PRKN: variants seen among roughly 807,000 people sequenced by gnomAD.
PRKN encodes E3 ubiquitin-protein ligase parkin.
In PRKN, 56 loss-of-function variants were observed where a neutral mutation model predicts 59.5. That is an observed-to-expected ratio of 0.94 (90% CI 0.76 to 1.18). The LOEUF is 1.18. PRKN is among the 50% of genes most tolerant of loss of function. The pLI is 0.00. For missense variants in PRKN, 657 were observed against 596.4 expected, an observed-to-expected ratio of 1.10 and a Z score of -1.06; for synonymous variants, 250 against 222.1, an observed-to-expected ratio of 1.13 and a Z score of -1.12.
intron 1 of PRKN, among the ~76,000 whole-genome samples, chr6:162,517,876 G>A (rs73037937): frequency 3.3e-5 from 5 of 152,062 alleles, no homozygotes; most frequent in African/African-American, 9.7e-5. Flanking sequence ...GTTATGAATA[G>A]ATTTATGTAT....
chr6:161,891,281 C>T (rs571213328), intron 6 of PRKN, among the ~76,000 whole-genome samples: 1 of 152,088 alleles, frequency 6.6e-6, no homozygotes, highest in Non-Finnish European at 1.5e-5. Flanking sequence ...TCATGGGCGC[C>T]CCGAGGAAAC....
chr6:161,621,782 C>G (rs932122275), intron 7 of PRKN, among the ~76,000 whole-genome samples: 1 of 152,176 alleles, frequency 6.6e-6, no homozygotes, highest in Non-Finnish European at 1.5e-5. Flanking sequence ...GTTAACCTTG[C>G]TGGTCACCCA....
intron 1 of PRKN, among the ~76,000 whole-genome samples, chr6:162,479,786 A>G (rs1792203887): frequency 6.7e-6 from 1 of 149,334 alleles, no homozygotes; most frequent in African/African-American, 2.5e-5. Flanking sequence ...AATTAGTAGG[A>G]GCCAGGCGCA....
At chr6:161,702,235 T>TA (rs1314830191) in intron 7 of PRKN, among the ~76,000 whole-genome samples, 1 of 152,104 alleles carries the variant, frequency 6.6e-6, no homozygotes, top group African/African-American at 2.4e-5. Flanking sequence ...CAAAATTAGG[T>TA]AAAAAGATAA....
At chr6:162,390,760 C>T (rs1583489071) in intron 2 of PRKN, among the ~76,000 whole-genome samples, 1 of 151,978 alleles carries the variant, frequency 6.6e-6, no homozygotes, top group South Asian at 2.1e-4. Context: ...GGTATATTAA[C>T]GGTCAGTTTA....
intron 1 of PRKN, among the ~76,000 whole-genome samples, chr6:162,486,748 A>T (rs2128183734): frequency 6.6e-6 from 1 of 152,306 alleles, no homozygotes; most frequent in Middle Eastern, 3.4e-3. Context: ...AGCATGTCAC[A>T]AGATAAACAC....
Position 161,685,397 on chromosome 6 carries a change from A to AT in PRKN, c.871+100374dup, listed in dbSNP as rs1785516821. On this transcript the variant is annotated intron_variant, in intron 7 of 11. Coordinates refer to ENST00000366898, the MANE Select transcript of PRKN (RefSeq NM_004562.3). ...TCCTGCTGAACAACTAAGAAACGTTATTTTCAACCCCAGCTTGAAAACTTG... is the reference window on the plus strand; with the variant it reads ...TCCTGCTGAACAACTAAGAAACGTTATTTTTCAACCCCAGCTTGAAAACTTG... Among the ~76,000 whole-genome samples the AT allele has an allele frequency of 3.3e-5, 5 of 152,216 alleles. No homozygotes were observed. In the South Asian group the frequency reaches 1.0e-3, roughly 32 times the overall value.
In PRKN at chr6:161,549,511, T is replaced by C. The variant is rs1482668207; in HGVS notation, c.934-508A>G. Among the ~76,000 whole-genome samples, 1 of 152,166 alleles carries C rather than the reference T, an allele frequency of 6.6e-6. No homozygotes were observed. Among genetic ancestry groups the C allele is most frequent in the African/African-American group, 2.4e-5 (1 of 41,444 alleles). ...CTCATAATATTGGCAGCCCACACAA[T>C]ATCAATGAGCTAGAAGAAGACTAAT... is the stretch of plus-strand genomic sequence containing the variant. On this transcript the variant is annotated intron_variant, in intron 8 of 11. Coordinates refer to ENST00000366898, the MANE Select transcript of PRKN (RefSeq NM_004562.3). The surrounding 1 kb of genome is among the most constrained non-coding windows in gnomAD (Gnocchi z 6.0).
At chr6:162,081,289 A>C (rs1182830995) in intron 4 of PRKN, among the ~76,000 whole-genome samples, 1 of 152,100 alleles carries the variant, frequency 6.6e-6, no homozygotes, top group Non-Finnish European at 1.5e-5. Context: ...TCCATCAGAG[A>C]AATGTAATGA....
rs143604686 is a variant in PRKN, at chr6:162,715,319, T to C, written c.7+12343A>G. Among the ~76,000 whole-genome samples the C allele has an allele frequency of 1.1e-4, 17 of 152,292 alleles. No individual in the cohort carries two copies. In the East Asian group the frequency reaches 2.9e-3, roughly 26 times the overall value. ...CTTTCATTTAGGCAACAATTATTTA[T>C]TAAGTATGAGCACGCTTATTCCCTC... On this transcript the variant is annotated intron_variant, in intron 1 of 11. Transcript: ENST00000366898.
chr6:161,874,980 A>ATATTTAT lies in PRKN; in HGVS notation c.735-89073_735-89072insATAAATA, dbSNP rs1562356643. Among the ~76,000 whole-genome samples, 13 of 90,300 alleles carry ATATTTAT rather than the reference A, an allele frequency of 1.4e-4. No individual in the cohort carries two copies. The East Asian group carries it at 4.4e-3, about 31-fold the overall frequency. The allele number at this position is 90,300 out of a possible 152,430, so 59.2% of individuals were successfully genotyped here. A position where few individuals can be genotyped will look rare whatever the true frequency, so the allele number is the denominator to read the frequency against. The stretch of plus-strand genomic sequence containing the variant: ...TTATATATAATATATAATTTATTAT[A>ATATTTAT]TTATATACTTTATATATAATATATT... On this transcript the variant is annotated intron_variant, in intron 6 of 11. Coordinates refer to ENST00000366898, the MANE Select transcript of PRKN (RefSeq NM_004562.3).
intron 1 of PRKN, among the ~76,000 whole-genome samples, chr6:162,544,161 A>G (rs1779029421): frequency 6.6e-6 from 1 of 152,200 alleles, no homozygotes; most frequent in Non-Finnish European, 1.5e-5. Context: ...GCATGGATAA[A>G]TACATAGATG....
At chr6:161,980,707 CT>C (rs1267770598) in intron 5 of PRKN, among the ~76,000 whole-genome samples, 2 of 152,152 alleles carry the variant, frequency 1.3e-5, no homozygotes, top group Non-Finnish European at 2.9e-5. Flanking sequence ...AGAAATGCCC[CT>C]GGCTTCTGCC....
intron 2 of PRKN, among the ~76,000 whole-genome samples, chr6:162,367,472 A>G (rs1785508026): frequency 2.0e-5 from 3 of 152,156 alleles, no homozygotes; most frequent in Admixed American, 2.0e-4. Context: ...AATGGTTCCT[A>G]TTGTTCTACA....
In PRKN at chr6:161,879,341, CT is replaced by C. The variant is rs72163881; in HGVS notation, c.735-93434del. Among the ~76,000 whole-genome samples, 446 of 112,218 alleles carry C rather than the reference CT, an allele frequency of 4.0e-3. 1 individual carries two copies. Among genetic ancestry groups the C allele is most frequent in the South Asian group, 0.014 (46 of 3,260 alleles). The allele number at this position is 112,218 out of a possible 152,430, so 73.6% of individuals were successfully genotyped here. Reference sequence around the variant, plus strand: ...TGTATGGTCATTATGACATTTCTGCCTTTTTTTTTTTTTTTTTTTTGAGATG... The same window carrying C: ...TGTATGGTCATTATGACATTTCTGCCTTTTTTTTTTTTTTTTTTTGAGATG... On this transcript the variant is annotated intron_variant, in intron 6 of 11. Coordinates refer to ENST00000366898, the MANE Select transcript of PRKN (RefSeq NM_004562.3).
chr6:162,662,455 G>A (rs1366294070), intron 1 of PRKN, among the ~76,000 whole-genome samples: 1 of 151,982 alleles, frequency 6.6e-6, no homozygotes, highest in Non-Finnish European at 1.5e-5. Flanking sequence ...TTTTGTTTAT[G>A]TTGCATTTCA....
At chr6:162,152,724 A>C (rs1782324396) in intron 4 of PRKN, among the ~76,000 whole-genome samples, 1 of 152,202 alleles carries the variant, frequency 6.6e-6, no homozygotes. Flanking sequence ...TGTGGTCTAC[A>C]AATGAATAGA....
At chr6:162,196,067 T>C in intron 4 of PRKN, among the ~76,000 whole-genome samples, 1 of 152,214 alleles carries the variant, frequency 6.6e-6, no homozygotes, top group East Asian at 1.9e-4. Flanking sequence ...GGCTTTGCTT[T>C]CTTGAGGAGG....
At chr6:162,495,452 A>G (rs932879905) in intron 1 of PRKN, among the ~76,000 whole-genome samples, 5 of 151,922 alleles carry the variant, frequency 3.3e-5, no homozygotes, top group Non-Finnish European at 5.9e-5. Context: ...TGGGGGAGGG[A>G]GGTGAGACCT....
Sources: allele counts gnomAD v4.1 joint callset (sites outside exome capture counted in the v4.1 genomes callset), GRCh38; gene constraint gnomAD v4.1.1; non-coding constraint Gnocchi (gnomAD v3.1); transcripts MANE v1.5; gene names NCBI Gene and HGNC (gene_info 2026-07-23, HGNC 2026-07-21).